CBR4: variants seen among roughly 807,000 people sequenced by gnomAD.
CBR4 encodes the protein 3-oxoacyl-[acyl-carrier-protein] reductase.
In CBR4, 22 loss-of-function variants were observed where a neutral mutation model predicts 21.0. The ratio of observed to expected loss-of-function variants is 1.05; its 90% confidence interval spans 0.75 to 1.50. CBR4 has a LOEUF of 1.50. Ranked by LOEUF, CBR4 falls within the 40% of genes most tolerant of loss-of-function variation. The pLI, the probability that CBR4 is intolerant of heterozygous loss-of-function variation, is 0.00. For missense variants in CBR4, 302 were observed against 286.3 expected, an observed-to-expected ratio of 1.05 and a Z score of -0.40; for synonymous variants, 100 against 104.4, an observed-to-expected ratio of 0.96 and a Z score of 0.26.
chr4:168,894,842 G>T, intron 2 of CBR4: 1 of 1,103,318 alleles, frequency 9.1e-7, no homozygotes, highest in Non-Finnish European at 1.3e-6. Context: ...TTTTTATTGA[G>T]CACATACTAT....
intron 2 of CBR4, chr4:168,928,094 C>T (rs1762782014): frequency 5.1e-6 from 1 of 194,932 alleles, no homozygotes; most frequent in Non-Finnish European, 1.1e-5. Flanking sequence ...TAGGCTTGAG[C>T]ACCGGGTGGC....
intron 2 of CBR4, among the ~76,000 whole-genome samples, chr4:168,958,024 C>T (rs1763738865): frequency 6.6e-6 from 1 of 152,146 alleles, no homozygotes; most frequent in Non-Finnish European, 1.5e-5. Flanking sequence ...AGTAATTAAA[C>T]CTCTTTCCTT....
At chr4:168,925,520 ATGCG>A in intron 2 of CBR4, 1 of 503,872 alleles carries the variant, frequency 2.0e-6, no homozygotes, top group East Asian at 3.6e-5. Context: ...TGATCCTGGA[ATGCG>A]TACTTTTGTG....
downstream of CBR4, among the ~76,000 whole-genome samples, chr4:168,987,026 A>G (rs1309856859): frequency 6.6e-6 from 1 of 152,176 alleles, no homozygotes; most frequent in Non-Finnish European, 1.5e-5. Context: ...CACTTATTCA[A>G]ATTTCCAGGG....
chr4:168,991,729 A>G (rs995680129), intron 4 of CBR4, among the ~76,000 whole-genome samples: 1 of 152,220 alleles, frequency 6.6e-6, no homozygotes, highest in East Asian at 1.9e-4. Context: ...TGCTTAGCCC[A>G]TATAATCAGT....
intron 2 of CBR4, among the ~76,000 whole-genome samples, chr4:168,959,568 T>TC (rs1560964139): frequency 6.7e-6 from 1 of 148,396 alleles, no homozygotes; most frequent in Non-Finnish European, 1.5e-5. Flanking sequence ...TTTCTTTTTT[T>TC]TTTTTTTTTT....
At chr4:168,938,656 C>T (rs1000832543) in intron 2 of CBR4, among the ~76,000 whole-genome samples, 1 of 152,190 alleles carries the variant, frequency 6.6e-6, no homozygotes, top group Non-Finnish European at 1.5e-5. Context: ...GAAATACAAA[C>T]TACCATCAGG....
chr4:168,922,057 G>T (rs1373777418), intron 2 of CBR4, among the ~76,000 whole-genome samples: 1 of 148,676 alleles, frequency 6.7e-6, no homozygotes, highest in Admixed American at 6.7e-5. Context: ...AAGAACCAAA[G>T]AATTTGCTTA....
Position 168,924,964 on chromosome 4 carries a change from G to A in CBR4, n.170-30199C>T, listed in dbSNP as rs745362518. 1.1e-5 allele frequency: 17 copies of A among 1,613,890 alleles called. No homozygotes were observed. Among genetic ancestry groups the A allele is most frequent in the African/African-American group, 6.7e-5 (5 of 74,862 alleles). On this transcript the variant is annotated intron_variant and non_coding_transcript_variant, in intron 2 of 3. Transcript: ENST00000509108. ...CTCCAGCATGCACCAGGACAACCAC[G>A]GCTACATCTGCCTGCTCATTCAGGG...
chr4:168,920,282 CT>C (rs1433707470), intron 2 of CBR4, among the ~76,000 whole-genome samples: 2 of 152,182 alleles, frequency 1.3e-5, no homozygotes, highest in Non-Finnish European at 2.9e-5. Flanking sequence ...TCCAAAACCT[CT>C]TCATCCTTTT....
intron 2 of CBR4, chr4:168,916,004 A>C: frequency 6.2e-7 from 1 of 1,614,018 alleles, no homozygotes; most frequent in Non-Finnish European, 8.5e-7. Flanking sequence ...TCAAGAAGGA[A>C]AACTCTGCAG....
intron 2 of CBR4, among the ~76,000 whole-genome samples, chr4:168,934,404 T>C (rs915102943): frequency 6.7e-6 from 1 of 149,918 alleles, no homozygotes; most frequent in African/African-American, 2.5e-5. Context: ...CAACAAAAAG[T>C]TGGTTTTTTG....
rs753437837 is a variant in CBR4, at chr4:168,990,162, T to C, written c.702A>G (p.Gln234=). 1.1e-5 allele frequency: 17 copies of C among 1,596,752 alleles called. No individual in the cohort carries two copies. The highest frequency in any genetic ancestry group is 1.5e-5 in the Non-Finnish European group (17 of 1,172,314). Residue 234 remains glutamine (Q), a synonymous_variant, in exon 5 of 5, where the codon CAA becomes CAG. Transcript: ENST00000306193. ...AATAATCTGCAAATTACAAAATGAG[T>C]TGTAATCCCCCATCCACTACCAGAA... is the stretch of plus-strand genomic sequence containing the variant. ...GHVLVVDGGL[Q]LIL
intron 2 of CBR4, among the ~76,000 whole-genome samples, chr4:168,959,088 T>C (rs1763769875): frequency 1.3e-5 from 2 of 152,200 alleles, no homozygotes; most frequent in Non-Finnish European, 2.9e-5. Context: ...GTTTATGTTT[T>C]TGGTGTCTTA....
chr4:168,905,138 GTT>G lies in CBR4; in HGVS notation n.170-10375_170-10374del, dbSNP rs777740588. On this transcript the variant is annotated intron_variant and non_coding_transcript_variant, in intron 2 of 3. Transcript: ENST00000509108. ...TGAGACTTTGTTTTTTGTTTTGTTGGTTTTTTTTTTTTTTTTTTTTTTTTTTT... is the reference window on the plus strand; with the variant it reads ...TGAGACTTTGTTTTTTGTTTTGTTGGTTTTTTTTTTTTTTTTTTTTTTTTT... Among the ~76,000 whole-genome samples, 3 of 34,524 alleles carry G rather than the reference GTT, an allele frequency of 8.7e-5. 1 individual carries two copies. The highest frequency in any genetic ancestry group is 1.5e-4 in the African/African-American group (2 of 13,000). 22.6% of individuals were successfully genotyped at this position (34,524 alleles called of 152,430 possible).
chr4:168,986,705 G>A (rs1764703422), downstream of CBR4, among the ~76,000 whole-genome samples: 1 of 152,176 alleles, frequency 6.6e-6, no homozygotes, highest in South Asian at 2.1e-4. Context: ...CACTTTCAGA[G>A]GCCAAGGCAG....
At chr4:168,985,223 G>A (rs1764650981), downstream of CBR4, among the ~76,000 whole-genome samples, 1 of 152,078 alleles carries the variant, frequency 6.6e-6, no homozygotes, top group Admixed American at 6.6e-5. Flanking sequence ...ATTAAAAAAT[G>A]GGCAAGGATG....
At chr4:168,981,943 T>C (rs1014790871) in intron 2 of CBR4, among the ~76,000 whole-genome samples, 2 of 152,210 alleles carry the variant, frequency 1.3e-5, no homozygotes, top group Non-Finnish European at 2.9e-5. Flanking sequence ...AGACCATTAC[T>C]GATCACCACA....
At chr4:168,999,248 T>C (rs996534824) in intron 4 of CBR4, among the ~76,000 whole-genome samples, 8 of 152,146 alleles carry the variant, frequency 5.3e-5, no homozygotes, top group African/African-American at 1.9e-4. Flanking sequence ...TCCTGCTAAT[T>C]GGAAACTCCA....
Sources: allele counts gnomAD v4.1 joint callset (sites outside exome capture counted in the v4.1 genomes callset), GRCh38; gene constraint gnomAD v4.1.1; transcripts MANE v1.5; gene names NCBI Gene and HGNC (gene_info 2026-07-23, HGNC 2026-07-21).